The following PIKFYVE variants were observed in gnomAD, a reference collection of about 807,000 sequenced individuals.
PIKFYVE encodes the protein 1-phosphatidylinositol 3-phosphate 5-kinase.
In PIKFYVE, 122 loss-of-function variants were observed where a neutral mutation model predicts 257.9. The ratio of observed to expected loss-of-function variants is 0.47; its 90% confidence interval spans 0.41 to 0.55. PIKFYVE has a LOEUF of 0.55. Among genes scored for constraint, PIKFYVE ranks in the 20% least tolerant of loss-of-function variants. The pLI is 0.00. For missense variants in PIKFYVE, 2,160 were observed against 2,536.6 expected (o/e 0.85, Z 3.19); for synonymous variants, 892 against 868.9 (o/e 1.03, Z -0.47).
chr2:208,353,537 A>C (rs1159706700), intron 39 of PIKFYVE, among the ~76,000 whole-genome samples: 2 of 139,774 alleles, frequency 1.4e-5, no homozygotes, highest in Admixed American at 6.8e-5. Context: ...GACTATTTGC[A>C]TCTCTCTCTT....
In PIKFYVE at chr2:208,304,210, T is replaced by G. The variant is rs1280087288; in HGVS notation, c.1360T>G (p.Ser454Ala). Residue 454 changes from serine to alanine, a missense_variant, in exon 11 of 42, where the codon TCA becomes GCA. By Grantham distance (99) the Ser-to-Ala change is moderately conservative. This residue lies in a region of PIKFYVE where 90 missense variants were observed against 110.6 expected (regional missense o/e 0.81). Transcript: ENST00000264380. ...TGAGACGCCTTCTCCCGACAGTGAC[T>G]CAGTGAACTCCGTGGAAGGACACTC... is the stretch of plus-strand genomic sequence containing the variant. The part of the protein sequence containing the change: ...FSETPSPDSD[S>A]VNSVEGHSEP... The G allele has an allele frequency of 6.2e-7, 1 of 1,614,132 alleles. No individual in the cohort carries two copies. The highest frequency in any genetic ancestry group is 1.1e-5 in the South Asian group (1 of 91,082).
At position 208,305,019 on chromosome 2, in the gene PIKFYVE, AG is replaced by A; in HGVS notation, c.1636+8del. The A allele has an allele frequency of 6.2e-7, 1 of 1,614,034 alleles. No individual in the cohort carries two copies. The highest frequency in any genetic ancestry group is 8.5e-7 in the Non-Finnish European group (1 of 1,179,984). On this transcript the variant is annotated splice_region_variant and intron_variant, in intron 12 of 41. Transcript: ENST00000264380. ...TCACCCTGCTGACCAAAAAGGTAGGAGGTAGTCACCATCTGGAATCCAAACA... is the reference window on the plus strand; with the variant it reads ...TCACCCTGCTGACCAAAAAGGTAGGAGTAGTCACCATCTGGAATCCAAACA...
At chr2:208,299,293 A>G (rs988948164) in intron 8 of PIKFYVE, among the ~76,000 whole-genome samples, 8 of 150,414 alleles carry the variant, frequency 5.3e-5, no homozygotes, top group Non-Finnish European at 1.0e-4. Flanking sequence ...TTTCTTTATT[A>G]TTATTATTTT....
At chr2:208,297,921 T>C (rs1336935490) in intron 7 of PIKFYVE, among the ~76,000 whole-genome samples, 1 of 151,362 alleles carries the variant, frequency 6.6e-6, no homozygotes, top group Non-Finnish European at 1.5e-5. Flanking sequence ...AATACTGATA[T>C]TATGAGAAGA....
chr2:208,314,992 A>T (rs531680725), intron 14 of PIKFYVE, among the ~76,000 whole-genome samples: 5 of 152,294 alleles, frequency 3.3e-5, no homozygotes, highest in African/African-American at 1.2e-4. Context: ...GGGACTTCTT[A>T]GTGGAAGATA....
chr2:208,324,401 G>A, intron 18 of PIKFYVE, 119 bp downstream of exon 18: 1 of 1,071,328 alleles, frequency 9.3e-7, no homozygotes, highest in Non-Finnish European at 1.4e-6. Flanking sequence ...TATTGAAAGT[G>A]GGACAGAAGA....
chr2:208,322,396 A>C (rs925165882), intron 17 of PIKFYVE, among the ~76,000 whole-genome samples: 1 of 150,492 alleles, frequency 6.6e-6, no homozygotes, highest in African/African-American at 2.4e-5. Context: ...AAAAAAAAAA[A>C]AACTTAGAAA....
chr2:208,322,741 C>T (rs889714965), intron 17 of PIKFYVE, among the ~76,000 whole-genome samples: 1 of 151,558 alleles, frequency 6.6e-6, no homozygotes, highest in Non-Finnish European at 1.5e-5. Context: ...TACATGTGCA[C>T]AATGTGCAGG....
intron 4 of PIKFYVE, 126 bp from the exon 5 acceptor site, chr2:208,277,411 C>A: frequency 4.0e-6 from 4 of 993,110 alleles, no homozygotes; most frequent in Non-Finnish European, 6.2e-6. Context: ...TTTGACCTTT[C>A]GTATTCCCAT....
chr2:208,291,790 A>G (rs1045554020), intron 7 of PIKFYVE, among the ~76,000 whole-genome samples: 1 of 151,664 alleles, frequency 6.6e-6, no homozygotes, highest in Admixed American at 6.6e-5. Flanking sequence ...GATTTTCTCT[A>G]TTGACTTCTT....
chr2:208,299,944 G>A (rs553849406), intron 8 of PIKFYVE, among the ~76,000 whole-genome samples: 15 of 152,002 alleles, frequency 9.9e-5, no homozygotes, highest in African/African-American at 3.4e-4. Flanking sequence ...TGAGGCCAGG[G>A]GTTTGAGGCT....
At chr2:208,311,352 T>C (rs548697125) in intron 12 of PIKFYVE, among the ~76,000 whole-genome samples, 2 of 152,312 alleles carry the variant, frequency 1.3e-5, no homozygotes, top group Non-Finnish European at 2.9e-5. Context: ...AAATAAAATA[T>C]TTTCTTTGTT....
rs777216213 is a variant in PIKFYVE, at chr2:208,333,483, G to A, written c.4132G>A (p.Ala1378Thr). The change falls in exon 24 of 42, where the codon GCG becomes ACG. Residue 1378 changes from alanine (A) to threonine (T), a missense_variant. Physicochemically the swap from Ala to Thr is moderately conservative, Grantham distance 58 (BLOSUM62 0). Transcript: ENST00000264380. ...HQYFSYNQMV[A>T]SFSYSPIRLL... ...GTATTTCTCCTATAACCAGATGGTGGCGTCTTTCAGGTAAGAAATCCTAGG... is the reference window on the plus strand; with the variant it reads ...GTATTTCTCCTATAACCAGATGGTGACGTCTTTCAGGTAAGAAATCCTAGG... 1.9e-6 allele frequency: 3 copies of A among 1,613,586 alleles called. No homozygotes were observed. Among genetic ancestry groups the A allele is most frequent in the East Asian group, 4.5e-5 (2 of 44,860 alleles).
chr2:208,341,285 G>C (rs916216256), intron 31 of PIKFYVE, among the ~76,000 whole-genome samples: 1 of 152,048 alleles, frequency 6.6e-6, no homozygotes, highest in East Asian at 1.9e-4. Flanking sequence ...TGAGCTACTG[G>C]ACCCGGCCCT....
intron 1 of PIKFYVE, among the ~76,000 whole-genome samples, chr2:208,271,036 C>CAAA (rs199927508): frequency 2.5e-5 from 2 of 80,500 alleles, no homozygotes; most frequent in Non-Finnish European, 2.6e-5. Context: ...ACTCCATCTC[C>CAAA]AAAAAAAAAA....
intron 13 of PIKFYVE, among the ~76,000 whole-genome samples, chr2:208,313,205 T>C (rs1695117138): frequency 6.6e-6 from 1 of 152,230 alleles, no homozygotes; most frequent in African/African-American, 2.4e-5. Flanking sequence ...TTTCCACTTA[T>C]TTGGTCAGAT....
rs373036155 is a variant in PIKFYVE at position 208,322,250 on chromosome 2, G to A, written c.2190+1891G>A. Among the ~76,000 whole-genome samples the A allele has an allele frequency of 9.4e-4, 143 of 151,858 alleles. 4 individuals are homozygous for A. The South Asian group carries it at 0.029, about 30-fold the overall frequency. ...GAAAAAATTAGGCAGGCATGGTGAT[G>A]TGTGCCTGTAGTCCTAGAAGGGTGA... On this transcript the variant is annotated intron_variant, in intron 17 of 41. Transcript: ENST00000264380.
chr2:208,269,548 T>G (rs1350063783), intron 1 of PIKFYVE: 2 of 282,264 alleles, frequency 7.1e-6, no homozygotes, highest in East Asian at 2.0e-4. Context: ...TTGGTTCTGC[T>G]TCTTGGCTGC....
In PIKFYVE at chr2:208,325,540, C is replaced by G; in HGVS notation, c.2729C>G (p.Ser910Cys). The G allele has an allele frequency of 6.2e-7, 1 of 1,614,124 alleles. No individual in the cohort carries two copies. Among genetic ancestry groups the G allele is most frequent in the Non-Finnish European group, 8.5e-7 (1 of 1,179,990 alleles). The change falls in exon 20 of 42, where the codon TCC becomes TGC. Residue 910 changes from serine to cysteine, a missense_variant. Around this residue, in one of 12 missense-constraint regions of PIKFYVE, gnomAD observed 522 missense variants for 514.6 expected, o/e 1.01. Coordinates refer to ENST00000264380, the MANE Select transcript of PIKFYVE (RefSeq NM_015040.4). Reference sequence around the variant, plus strand: ...GTCCAAGAGCAGTACGGTGGAGGTTCCATCCCCTGGGATCCTGACATCCCT... The same window carrying G: ...GTCCAAGAGCAGTACGGTGGAGGTTGCATCCCCTGGGATCCTGACATCCCT... ...GAVQEQYGGG[S>C]IPWDPDIPPE...
Sources: gnomAD v4.1 joint callset for allele counts (sites outside exome capture counted in the v4.1 genomes callset) on GRCh38, gnomAD v4.1.1 for gene constraint, gnomAD v4.1.1 regional missense constraint, MANE v1.5 for transcripts, NCBI Gene and HGNC (gene_info 2026-07-23, HGNC 2026-07-21) for gene names.